The following DNAJB14 variants were observed in gnomAD, a reference collection of about 807,000 sequenced individuals.
DNAJB14 encodes DnaJ heat shock protein family (Hsp40) member B14.
DNAJB14 carries 22 observed loss-of-function variants against 48.4 expected under a neutral mutation model. The observed-to-expected ratio is 0.45, with a 90% CI of 0.32 to 0.65. The LOEUF is 0.65. DNAJB14 is among the 30% of genes least tolerant of loss of function. DNAJB14 has a pLI of 0.03. For missense variants in DNAJB14, 319 were observed against 458.8 expected, an observed-to-expected ratio of 0.70 and a Z score of 2.78; for synonymous variants, 142 against 158.7, an observed-to-expected ratio of 0.89 and a Z score of 0.79.
rs1161715855 is a variant in DNAJB14, at chr4:99,903,726, T to G, written c.1015A>C (p.Lys339Gln). The change falls in exon 7 of 8, where the codon AAA (lysine) becomes CAA (glutamine). Residue 339 changes from lysine (K) to glutamine (Q), a missense_variant and splice_region_variant. By Grantham distance (53) the Lys-to-Gln change is moderately conservative (BLOSUM62 1). Transcript: ENST00000442697. ...RNNCWKERQQKTDMQYAAKVY... is the reference protein window; with the variant it reads ...RNNCWKERQQQTDMQYAAKVY... ...AATGTTAAACACATGACAAACTTAC[T>G]TTGTTGTCTTTCTTTCCAGCAGTTA... 6.2e-7 allele frequency: 1 copy of G among 1,606,432 alleles called. No homozygotes were observed. Among genetic ancestry groups the G allele is most frequent in the East Asian group, 2.2e-5 (1 of 44,732 alleles).
chr4:99,916,216 G>A (rs1374787435), intron 3 of DNAJB14, among the ~76,000 whole-genome samples: 2 of 152,154 alleles, frequency 1.3e-5, no homozygotes, highest in Non-Finnish European at 2.9e-5. Context: ...ACAGGTCACT[G>A]CAGCCTCAAC....
At chr4:99,924,864 G>T in intron 2 of DNAJB14, 1 of 1,358,902 alleles carries the variant, frequency 7.4e-7, no homozygotes, top group East Asian at 2.3e-5. Context: ...ATAAAAAACT[G>T]AATTCAACTG....
rs1438139745 is a variant in DNAJB14, at chr4:99,900,679, A to C, written c.*349T>G. The C allele has an allele frequency of 5.9e-6, 1 of 168,620 alleles. No homozygotes were observed. The highest frequency in any genetic ancestry group is 1.3e-5 in the Non-Finnish European group (1 of 78,902). 10.4% of individuals were successfully genotyped at this position (168,620 alleles called of 1,614,324 possible). A position where few individuals can be genotyped will look rare whatever the true frequency, so the allele number is the denominator to read the frequency against. On this transcript the variant is annotated 3_prime_UTR_variant, in exon 8 of 8. Coordinates refer to ENST00000442697, the MANE Select transcript of DNAJB14 (RefSeq NM_001031723.4). ...TAAAAAAGCAGTAACCTGTATGTAC[A>C]CAAAATGATCATTCCATAAATATTT...
intron 1 of DNAJB14, among the ~76,000 whole-genome samples, chr4:99,935,938 T>C (rs905752675): frequency 6.6e-6 from 1 of 152,176 alleles, no homozygotes; most frequent in East Asian, 1.9e-4. Context: ...TGTGGTGGCA[T>C]GCACCTGTAG....
intron 3 of DNAJB14, among the ~76,000 whole-genome samples, chr4:99,909,948 A>C (rs1182976413): frequency 6.6e-6 from 1 of 152,094 alleles, no homozygotes; most frequent in East Asian, 1.9e-4. Context: ...TAATCACTTC[A>C]TAAATACATC....
At chr4:99,905,483 C>A in intron 6 of DNAJB14, 114 bp downstream of exon 6, 1 of 651,832 alleles carries the variant, frequency 1.5e-6, no homozygotes. Context: ...ATCTGGTACA[C>A]TTGCAGTAAT....
At chr4:99,935,327 C>T (rs1044199027) in intron 1 of DNAJB14, among the ~76,000 whole-genome samples, 20 of 152,138 alleles carry the variant, frequency 1.3e-4, no homozygotes, top group African/African-American at 4.1e-4. Flanking sequence ...AACAGATACA[C>T]ATGGAAAGAA....
At chr4:99,923,761 A>C in intron 2 of DNAJB14, 1 of 963,426 alleles carries the variant, frequency 1.0e-6, no homozygotes, top group Non-Finnish European at 1.2e-6. Flanking sequence ...CTAGTCTTGA[A>C]ATTCGGGCCT....
At chr4:99,910,702 C>T (rs946521053) in intron 3 of DNAJB14, among the ~76,000 whole-genome samples, 6 of 151,828 alleles carry the variant, frequency 4.0e-5, no homozygotes, top group African/African-American at 1.5e-4. Context: ...TTGTGCTATA[C>T]CCATATAATC....
intron 3 of DNAJB14, among the ~76,000 whole-genome samples, chr4:99,917,773 G>A (rs915297665): frequency 1.3e-5 from 2 of 152,246 alleles, no homozygotes; most frequent in South Asian, 2.1e-4. Flanking sequence ...GTTGACAGTC[G>A]TTTTCCTTCA....
rs910958589 is a variant in DNAJB14, at chr4:99,924,861, A to G, written c.306-1676T>C. The G allele has an allele frequency of 2.9e-6, 4 of 1,359,876 alleles. No individual in the cohort carries two copies. The African/African-American group carries it at 5.8e-5, about 20-fold the overall frequency. 84.2% of individuals were successfully genotyped at this position (1,359,876 alleles called of 1,614,324 possible). ...TATAACTAATTTGACTGCATAAAAA[A>G]CTGAATTCAACTGTAGATTTTGCCT... On this transcript the variant is annotated intron_variant, in intron 2 of 7. Transcript: ENST00000442697.
chr4:99,921,514 A>G (rs1259221511), intron 3 of DNAJB14, among the ~76,000 whole-genome samples: 1 of 152,208 alleles, frequency 6.6e-6, no homozygotes, highest in African/African-American at 2.4e-5. Context: ...TAGAAGTGGA[A>G]GAAATAGTTT....
At chr4:99,906,147 T>C in intron 5 of DNAJB14, 1 of 1,319,252 alleles carries the variant, frequency 7.6e-7, no homozygotes, top group Non-Finnish European at 9.9e-7. Flanking sequence ...TTCATGTAAT[T>C]AAATTGCTAT....
In DNAJB14 at chr4:99,908,729, CA is replaced by C. The variant is rs1222627541; in HGVS notation, c.618del (p.Phe206LeufsTer48). On this transcript the variant is annotated frameshift_variant, in exon 4 of 8. Transcript: ENST00000442697. LOFTEE classifies it high-confidence loss of function. ...ITPEDLFNIFFGGGFPSGSVH... is the reference protein window; with the variant it reads ...ITPEDLFNIFXGGGFPSGSVH... ...AAAATACCTGAAGGAAATCCACCCC[CA>C]AAAAATATATTAAACAAGTCTTCTG... 1 of 1,591,198 alleles carries C rather than the reference CA, an allele frequency of 6.3e-7. No individual in the cohort carries two copies. Among genetic ancestry groups the C allele is most frequent in the South Asian group, 1.2e-5 (1 of 86,430 alleles).
At chr4:99,934,318 A>C (rs1726589290) in intron 1 of DNAJB14, among the ~76,000 whole-genome samples, 1 of 152,222 alleles carries the variant, frequency 6.6e-6, no homozygotes, top group South Asian at 2.1e-4. Context: ...GACAGAAGTC[A>C]AATCTGATAC....
At position 99,899,263 on chromosome 4, in the gene DNAJB14, T is replaced by A. The variant is rs1725218715; in HGVS notation, c.*1765A>T. 6.6e-6 allele frequency: 1 copy of A among 151,924 alleles called. No individual in the cohort carries two copies. The highest frequency in any genetic ancestry group is 2.1e-4 in the South Asian group (1 of 4,832). The allele number at this position is 151,924 out of a possible 1,614,324, so 9.4% of individuals were successfully genotyped here. On this transcript the variant is annotated 3_prime_UTR_variant, in exon 8 of 8. Transcript: ENST00000442697. ...AAATAAATAGATGAAATTTTTTTCATTCAAATTTTCATAAATTTTCTGATG... is the reference window on the plus strand; with the variant it reads ...AAATAAATAGATGAAATTTTTTTCAATCAAATTTTCATAAATTTTCTGATG...
intron 3 of DNAJB14, among the ~76,000 whole-genome samples, chr4:99,913,017 T>A (rs1444806080): frequency 6.6e-6 from 1 of 152,220 alleles, no homozygotes; most frequent in African/African-American, 2.4e-5. Context: ...ATGCAATTAA[T>A]TTTTTGTAGA....
In DNAJB14 at chr4:99,938,457, G is replaced by C. The variant is rs538125096; in HGVS notation, c.134-7836C>G. 2.0e-5 allele frequency among the ~76,000 whole-genome samples: 3 copies of C among 151,566 alleles called. No homozygotes were observed. In the East Asian group the frequency reaches 5.8e-4, roughly 29 times the overall value. ...ATGGTTACGCTGTGATTATCTAAGA[G>C]AGTGTCCTTGTCTTAGAAAATGTAT... is the stretch of plus-strand genomic sequence containing the variant. On this transcript the variant is annotated intron_variant, in intron 1 of 7. Coordinates refer to ENST00000442697, the MANE Select transcript of DNAJB14 (RefSeq NM_001031723.4).
chr4:99,913,536 G>T (rs1725741824), intron 3 of DNAJB14, among the ~76,000 whole-genome samples: 1 of 150,146 alleles, frequency 6.7e-6, no homozygotes, highest in South Asian at 2.1e-4. Context: ...ATTGTTTGGG[G>T]TATATAATTC....
Sources: allele counts gnomAD v4.1 joint callset (sites outside exome capture counted in the v4.1 genomes callset), GRCh38; gene constraint gnomAD v4.1.1; transcripts MANE v1.5; gene names NCBI Gene and HGNC (gene_info 2026-07-23, HGNC 2026-07-21).